OSMR: variants seen among roughly 807,000 people sequenced by gnomAD.
OSMR encodes the protein oncostatin M receptor, also known as oncostatin-M-specific receptor subunit beta.
OSMR carries 81 observed loss-of-function variants against 99.9 expected under a neutral mutation model. The ratio of observed to expected loss-of-function variants is 0.81; its 90% CI spans 0.68 to 0.97. The LOEUF (loss-of-function observed/expected upper bound fraction) is 0.97. OSMR is among the 50% of genes least tolerant of loss of function. The pLI is 0.00. For synonymous variants in OSMR, 406 were observed against 410.4 expected, an observed-to-expected ratio of 0.99 and a Z score of 0.13; for missense variants, 1,099 against 1,153.4, an observed-to-expected ratio of 0.95 and a Z score of 0.68.
At chr5:38,939,628 T>A (rs1317821313), downstream of OSMR, 2 of 231,350 alleles carry the variant, frequency 8.6e-6, no homozygotes, top group Non-Finnish European at 1.7e-5. Flanking sequence ...AACAATTCAC[T>A]TTACGATTAG....
Position 38,919,055 on chromosome 5 carries a change from CG to C in OSMR, c.1579del (p.Glu527LysfsTer29). ...CTGTAATAGTCATCTCTGCAGACCC[CG>C]AAAACAGTGAGTTTGTTTTCATTTT... ...ASVIVISADP[E>X]NKEVEEERIA... On this transcript the variant is annotated frameshift_variant, in exon 11 of 18. Transcript: ENST00000274276. LOFTEE classifies it high-confidence loss of function. 6.2e-7 allele frequency: 1 copy of C among 1,613,764 alleles called. No homozygotes were observed. Among genetic ancestry groups the C allele is most frequent in the South Asian group, 1.1e-5 (1 of 91,046 alleles).
At chr5:38,861,397 G>A (rs532281422) in intron 1 of OSMR, among the ~76,000 whole-genome samples, 4 of 152,184 alleles carry the variant, frequency 2.6e-5, no homozygotes, top group Non-Finnish European at 5.9e-5. Context: ...ATTTAAACCT[G>A]AGTGGACACA....
intron 2 of OSMR, among the ~76,000 whole-genome samples, chr5:38,870,469 T>C (rs1263593730): frequency 6.6e-6 from 1 of 151,786 alleles, no homozygotes; most frequent in Non-Finnish European, 1.5e-5. Context: ...GTAGCTGGGA[T>C]TACAGGCACA....
intron 16 of OSMR, 140 bp downstream of exon 16, chr5:38,932,104 T>G: frequency 1.4e-6 from 1 of 721,058 alleles, no homozygotes; most frequent in Non-Finnish European, 2.3e-6. Context: ...GGGGTGAGAG[T>G]ATGTAATTTA....
At chr5:38,921,824 G>A (rs111325744) in intron 12 of OSMR, 30 bp downstream of exon 12, 2 of 1,554,586 alleles carry the variant, frequency 1.3e-6, no homozygotes, top group Non-Finnish European at 8.9e-7. Context: ...TCATCGCATT[G>A]CTATATTCAC....
Position 38,903,895 on chromosome 5 carries a change from T to G in OSMR, c.1005T>G (p.Asn335Lys). The change falls in exon 8 of 18, where the codon AAT (asparagine) becomes AAG (lysine). Residue 335 changes from asparagine (N) to lysine (K), a missense_variant. Physicochemically the swap from Asn to Lys is moderately conservative, Grantham distance 94 (BLOSUM62 0). Transcript: ENST00000274276. ...FNLTHRVYLM[N>K]PFSVNFENVN... ...TTTTTTTGACAGTTTATTTAATGAA[T>G]CCTTTTAGTGTCAACTTTGAAAATG... 6.2e-7 allele frequency: 1 copy of G among 1,612,866 alleles called. No individual in the cohort carries two copies. The highest frequency in any genetic ancestry group is 8.5e-7 in the Non-Finnish European group (1 of 1,179,514).
At chr5:38,898,942 C>T (rs1474662439) in intron 7 of OSMR, among the ~76,000 whole-genome samples, 5 of 133,240 alleles carry the variant, frequency 3.8e-5, no homozygotes, top group African/African-American at 1.5e-4. Flanking sequence ...TTTCTATTTA[C>T]ATAATATCTT....
At chr5:38,917,745 T>A in intron 10 of OSMR, 123 bp downstream of exon 10, 1 of 740,778 alleles carries the variant, frequency 1.3e-6, no homozygotes, top group Non-Finnish European at 2.4e-6. Context: ...ATCTTCACAT[T>A]CATCCAATAG....
At chr5:38,921,490 T>A in intron 11 of OSMR, 125 bp from the exon 12 acceptor site, 1 of 1,534,508 alleles carries the variant, frequency 6.5e-7, no homozygotes, top group East Asian at 2.4e-5. Context: ...CACCTGTAAC[T>A]ATTGAAGTGG....
chr5:38,917,492 A>T, intron 9 of OSMR, 54 bp from the exon 10 acceptor site: 1 of 1,604,208 alleles, frequency 6.2e-7, no homozygotes, highest in Non-Finnish European at 8.5e-7. Flanking sequence ...AAGGTTGAGC[A>T]TATTGCTTTA....
chr5:38,932,013 C>A, intron 16 of OSMR, 49 bp downstream of exon 16: 2 of 1,348,878 alleles, frequency 1.5e-6, no homozygotes, highest in Non-Finnish European at 2.1e-6. Context: ...AGAGAAAAGT[C>A]TGGAAAGAGA....
intron 9 of OSMR, among the ~76,000 whole-genome samples, chr5:38,915,800 A>T (rs1561398763): frequency 6.6e-6 from 1 of 152,238 alleles, no homozygotes; most frequent in Non-Finnish European, 1.5e-5. Flanking sequence ...CTGAAGCAGC[A>T]CGTTCACAAA....
At chr5:38,924,681 T>C in intron 14 of OSMR, 86 bp downstream of exon 14, 3 of 1,183,164 alleles carry the variant, frequency 2.5e-6, no homozygotes, top group East Asian at 2.4e-5. Flanking sequence ...CATCTCAGAC[T>C]GTGGCCAGGC....
At chr5:38,870,026 A>G (rs1181305319) in intron 2 of OSMR, among the ~76,000 whole-genome samples, 5 of 152,094 alleles carry the variant, frequency 3.3e-5, no homozygotes. Flanking sequence ...CCATGAAAAT[A>G]TATTTGGAAA....
At position 38,881,739 on chromosome 5, in the gene OSMR, C is replaced by G. The variant is rs1171222924; in HGVS notation, c.393C>G (p.Asn131Lys). 1 of 1,614,032 alleles carries G rather than the reference C, an allele frequency of 6.2e-7. No individual in the cohort carries two copies. Among genetic ancestry groups the G allele is most frequent in the Non-Finnish European group, 8.5e-7 (1 of 1,180,008 alleles). The change falls in exon 4 of 18, where the codon AAC becomes AAG. Residue 131 changes from asparagine (N) to lysine (K), a missense_variant. Asn to Lys is a moderately conservative substitution (Grantham distance 94). Transcript: ENST00000274276. ...AKFPEPNFWS[N>K]WSSWEEVSVQ... ...TCCCTGAGCCAAATTTCTGGAGCAA[C>G]TGGAGTTCCTGGGAGGAAGTCAGTG...
rs1746954499 is a variant in OSMR at position 38,935,100 on chromosome 5, G to C, written c.*1656G>C. On this transcript the variant is annotated 3_prime_UTR_variant, in exon 18 of 18. Coordinates refer to ENST00000274276, the MANE Select transcript of OSMR (RefSeq NM_003999.3). Reference sequence around the variant, plus strand: ...TCTGCCTGCCTTGGCCTCCCAAAGTGCTGGGATTACAGGCGTGAGCCACTG... The same window carrying C: ...TCTGCCTGCCTTGGCCTCCCAAAGTCCTGGGATTACAGGCGTGAGCCACTG... 1 of 152,552 alleles carries C rather than the reference G, an allele frequency of 6.6e-6. No homozygotes were observed. Among genetic ancestry groups the C allele is most frequent in the Non-Finnish European group, 1.5e-5 (1 of 68,354 alleles). 9.4% of individuals were successfully genotyped at this position (152,552 alleles called of 1,614,324 possible).
intron 15 of OSMR, among the ~76,000 whole-genome samples, chr5:38,931,308 A>T (rs1180156362): frequency 6.6e-6 from 1 of 152,168 alleles, no homozygotes; most frequent in East Asian, 1.9e-4. Context: ...GTCAGCCGAG[A>T]CTTGGCTGAT....
intron 1 of OSMR, among the ~76,000 whole-genome samples, chr5:38,857,924 TC>T (rs1348667779): frequency 6.6e-6 from 1 of 152,180 alleles, no homozygotes; most frequent in Non-Finnish European, 1.5e-5. Context: ...CACCTCAGCC[TC>T]CCAAAATGCT....
intron 7 of OSMR, 42 bp from the exon 8 acceptor site, chr5:38,903,840 C>A: frequency 6.3e-7 from 1 of 1,586,660 alleles, no homozygotes; most frequent in Non-Finnish European, 8.6e-7. Flanking sequence ...CTTTTTGGAT[C>A]TATGCTTGAA....
Sources: gnomAD v4.1 joint callset for allele counts (sites outside exome capture counted in the v4.1 genomes callset) on GRCh38, gnomAD v4.1.1 for gene constraint, MANE v1.5 for transcripts, NCBI Gene and HGNC (gene_info 2026-07-23, HGNC 2026-07-21) for gene names.